Variants in RAD54L observed in about 807,000 individuals in gnomAD.
RAD54L encodes RAD54 like.
A neutral mutation model predicts 91.6 loss-of-function variants in RAD54L; 74 were observed. The observed-to-expected ratio is 0.81, with a 90% CI of 0.67 to 0.98. The LOEUF (loss-of-function observed/expected upper bound fraction) is 0.98, where lower values mean the gene tolerates loss of function less well. RAD54L is among the 50% of genes least tolerant of loss of function. RAD54L has a pLI of 0.00. For synonymous variants in RAD54L, 304 were observed against 349.7 expected (o/e 0.87, Z 1.46); for missense variants, 887 against 945.7 (o/e 0.94, Z 0.81).
chr1:46,267,356 G>A, intron 8 of RAD54L, 103 bp from the exon 9 acceptor site: 20 of 1,509,950 alleles, frequency 1.3e-5, no homozygotes, highest in Non-Finnish European at 1.8e-5. Context: ...GAGCCACGGC[G>A]CCCGGCCTGG....
intron 9 of RAD54L, among the ~76,000 whole-genome samples, chr1:46,267,959 G>A (rs1337465947): frequency 3.3e-5 from 5 of 152,314 alleles, no homozygotes; most frequent in Non-Finnish European, 5.9e-5. Context: ...TTGGGCAGAC[G>A]TGTGTGTTTT....
chr1:46,269,368 G>C (rs1180185907), intron 9 of RAD54L, among the ~76,000 whole-genome samples: 1 of 150,994 alleles, frequency 6.6e-6, no homozygotes, highest in African/African-American at 2.4e-5. Flanking sequence ...GAATGCAGTG[G>C]TGAGATCATG....
chr1:46,257,631 CAT>C (rs1182686026), intron 3 of RAD54L, among the ~76,000 whole-genome samples: 1 of 152,230 alleles, frequency 6.6e-6, no homozygotes, highest in African/African-American at 2.4e-5. Context: ...CTAGGACCCA[CAT>C]ATGTCTACCT....
intron 9 of RAD54L, among the ~76,000 whole-genome samples, chr1:46,268,703 A>C (rs1252728345): frequency 6.6e-6 from 1 of 152,230 alleles, no homozygotes; most frequent in Non-Finnish European, 1.5e-5. Flanking sequence ...TATGTGTAGC[A>C]GTAGTTTGTT....
chr1:46,269,788 C>T (rs1660369632), intron 9 of RAD54L, among the ~76,000 whole-genome samples: 1 of 152,068 alleles, frequency 6.6e-6, no homozygotes, highest in Admixed American at 6.6e-5. Flanking sequence ...TGTCTCTCAA[C>T]TTGTTTAGGT....
chr1:46,252,167 T>G (rs1659815329), intron 3 of RAD54L, among the ~76,000 whole-genome samples: 1 of 152,130 alleles, frequency 6.6e-6, no homozygotes, highest in South Asian at 2.1e-4. Flanking sequence ...TTGGAAAGAC[T>G]GGCAGCAATA....
intron 16 of RAD54L, among the ~76,000 whole-genome samples, chr1:46,276,799 GGTTT>G (rs1346930306): frequency 6.6e-6 from 1 of 152,116 alleles, no homozygotes; most frequent in African/African-American, 2.4e-5. Flanking sequence ...TGGCATCCAA[GGTTT>G]GTTTTTTGTT....
Position 46,274,674 on chromosome 1 carries a change from G to A in RAD54L, c.1826G>A (p.Arg609Gln), listed in dbSNP as rs753206193. 4 of 1,613,992 alleles carry A rather than the reference G, an allele frequency of 2.5e-6. No individual in the cohort carries two copies. In the African/African-American group the frequency reaches 4.0e-5, roughly 16 times the overall value. Residue 609 changes from arginine (R) to glutamine (Q), a missense_variant, in exon 16 of 18, where the codon CGA becomes CAA. Transcript: ENST00000371975. ...GAACAAGCCATGGCCCGGGTCTGGC[G>A]AGATGGTCAAAAGAAGACTTGCTAT... The part of the protein sequence containing the change: ...NDEQAMARVW[R>Q]DGQKKTCYIY...
intron 3 of RAD54L, among the ~76,000 whole-genome samples, chr1:46,254,276 C>CTTTTTTTTTCT (rs373452118): frequency 6.7e-6 from 1 of 149,346 alleles, no homozygotes; most frequent in African/African-American, 2.5e-5. Flanking sequence ...CATCTGGCCT[C>CTTTTTTTTTCT]TTTTTTTTTC....
At chr1:46,278,041 T>C in intron 17 of RAD54L, 31 bp from the exon 18 acceptor site, 1 of 1,614,160 alleles carries the variant, frequency 6.2e-7, no homozygotes, top group Non-Finnish European at 8.5e-7. Context: ...ATGGGATCTG[T>C]AGTGACTTCA....
Position 46,263,202 on chromosome 1 carries a change from T to C in RAD54L, c.891+1817T>C, listed in dbSNP as rs528891071. 6.6e-6 allele frequency among the ~76,000 whole-genome samples: 1 copy of C among 152,174 alleles called. No homozygotes were observed. Among genetic ancestry groups the C allele is most frequent in the Non-Finnish European group, 1.5e-5 (1 of 68,034 alleles). On this transcript the variant is annotated intron_variant, in intron 8 of 17. Coordinates refer to ENST00000371975, the MANE Select transcript of RAD54L (RefSeq NM_003579.4). This position sits in a 1 kb window ranked among gnomAD's most constrained non-coding sequence, Gnocchi z 4.3. ...TTCTGGAACTAAGGGAATATGGCCG[T>C]AGTTACTTCCTGGCCTTTTCCAGTA...
intron 3 of RAD54L, among the ~76,000 whole-genome samples, chr1:46,251,901 ACC>A (rs1659808038): frequency 6.6e-6 from 1 of 152,110 alleles, no homozygotes; most frequent in Non-Finnish European, 1.5e-5. Context: ...ACAGAGCGAG[ACC>A]CCGTCTCAAA....
intron 16 of RAD54L, among the ~76,000 whole-genome samples, chr1:46,276,282 CT>C (rs1454418787): frequency 6.6e-6 from 1 of 152,216 alleles, no homozygotes; most frequent in Non-Finnish European, 1.5e-5. Context: ...CCTCAACCCC[CT>C]GAAGTAGCTG....
intron 8 of RAD54L, 24 bp from the exon 9 acceptor site, chr1:46,267,435 C>T (rs754894596): frequency 6.2e-6 from 10 of 1,613,490 alleles, no homozygotes; most frequent in East Asian, 2.2e-5. Flanking sequence ...CCACATTGCG[C>T]TCTGAATAAG....
intron 3 of RAD54L, among the ~76,000 whole-genome samples, chr1:46,257,528 C>T: frequency 6.6e-6 from 1 of 152,202 alleles, no homozygotes; most frequent in East Asian, 1.9e-4. Flanking sequence ...CCTGCCCCAG[C>T]CCCATAGCCC....
intron 14 of RAD54L, among the ~76,000 whole-genome samples, 189 bp downstream of exon 14, chr1:46,273,936 C>T (rs1425811106): frequency 6.6e-6 from 1 of 152,136 alleles, no homozygotes; most frequent in East Asian, 1.9e-4. Flanking sequence ...TTCAGGTACT[C>T]CCTTAGGAAA....
intron 15 of RAD54L, 130 bp from the exon 16 acceptor site, chr1:46,274,408 C>T: frequency 7.7e-7 from 1 of 1,300,182 alleles, no homozygotes. Context: ...GGCTGGTGAG[C>T]AGATAAACTG....
At chr1:46,270,591 C>T in intron 9 of RAD54L, 68 bp from the exon 10 acceptor site, 2 of 1,597,580 alleles carry the variant, frequency 1.3e-6, no homozygotes, top group South Asian at 2.2e-5. Context: ...AGGTAGTCTG[C>T]CATCACTAGC....
Position 46,274,124 on chromosome 1 carries a change from G to A in RAD54L, c.1611-14G>A, listed in dbSNP as rs369521536. Reference sequence around the variant, plus strand: ...TTGAAGCTTTATTTTCTTGGGTCTCGAATCCCCCTTCAGGTACTTATACGT... The same window carrying A: ...TTGAAGCTTTATTTTCTTGGGTCTCAAATCCCCCTTCAGGTACTTATACGT... On this transcript the variant is annotated splice_polypyrimidine_tract_variant and intron_variant, in intron 14 of 17. Coordinates refer to ENST00000371975, the MANE Select transcript of RAD54L (RefSeq NM_003579.4). The A allele has an allele frequency of 1.7e-5, 28 of 1,606,114 alleles. No individual in the cohort carries two copies. Among genetic ancestry groups the A allele is most frequent in the African/African-American group, 1.3e-4 (10 of 74,412 alleles).
Sources: allele counts gnomAD v4.1 joint callset (sites outside exome capture counted in the v4.1 genomes callset), GRCh38; gene constraint gnomAD v4.1.1; non-coding constraint Gnocchi (gnomAD v3.1); transcripts MANE v1.5; gene names NCBI Gene and HGNC (gene_info 2026-07-23, HGNC 2026-07-21).